The following WDR82 variants were observed in gnomAD, a reference collection of about 807,000 sequenced individuals.
WDR82 encodes the protein WD repeat-containing protein 82.
In WDR82, 8 loss-of-function variants were observed where a neutral mutation model predicts 36.1. That is an observed-to-expected ratio of 0.22 (90% CI 0.13 to 0.40). The LOEUF is 0.40. Among genes scored for constraint, WDR82 ranks in the 10% least tolerant of loss-of-function variants. The probability of loss-of-function intolerance (pLI) is 1.00; values close to 1 mark genes in which losing one functional copy is unlikely to be tolerated. For missense variants in WDR82, 185 were observed against 400.5 expected (o/e 0.46, Z 4.59); for synonymous variants, 129 against 137.8 (o/e 0.94, Z 0.45).
intron 3 of WDR82, among the ~76,000 whole-genome samples, chr3:52,264,142 G>T (rs1028862848): frequency 6.6e-6 from 1 of 152,126 alleles, no homozygotes; most frequent in South Asian, 2.1e-4. Flanking sequence ...CAGCCTGGGT[G>T]ACCCGGTGAG....
At chr3:52,259,439 C>T (rs1700040474) in intron 6 of WDR82, among the ~76,000 whole-genome samples, 173 bp from the exon 7 acceptor site, 1 of 152,206 alleles carries the variant, frequency 6.6e-6, no homozygotes, top group Admixed American at 6.5e-5. Flanking sequence ...AATCCACTCC[C>T]ACCCTCAACT....
At chr3:52,272,501 G>A (rs1007160193) in intron 1 of WDR82, among the ~76,000 whole-genome samples, 4 of 144,240 alleles carry the variant, frequency 2.8e-5, no homozygotes, top group Non-Finnish European at 3.0e-5. Flanking sequence ...CTGAGATCGC[G>A]CCACTGCACT....
chr3:52,265,037 C>T (rs529597331), intron 3 of WDR82, among the ~76,000 whole-genome samples: 9 of 151,834 alleles, frequency 5.9e-5, no homozygotes, highest in South Asian at 4.2e-4. Context: ...GTCGGCCAGC[C>T]GGGTGCGGTG....
chr3:52,277,950 T>G (rs887524315), intron 1 of WDR82, among the ~76,000 whole-genome samples: 7 of 151,970 alleles, frequency 4.6e-5, no homozygotes, highest in Admixed American at 1.3e-4. Flanking sequence ...TGGCAAGTGA[T>G]GCATAGCGCT....
At position 52,259,138 on chromosome 3, in the gene WDR82, A is replaced by C; in HGVS notation, c.769+59T>G. On this transcript the variant is annotated intron_variant, in intron 7 of 8. Coordinates refer to ENST00000296490, the MANE Select transcript of WDR82 (RefSeq NM_025222.4). ...TAATAATGTCTCAGTTAATAATTTAAACAAAGAAATGCATAGTACCAGAGA... is the reference window on the plus strand; with the variant it reads ...TAATAATGTCTCAGTTAATAATTTACACAAAGAAATGCATAGTACCAGAGA... 7 of 1,464,198 alleles carry C rather than the reference A, an allele frequency of 4.8e-6. No individual in the cohort carries two copies. The South Asian group carries it at 8.3e-5, about 17-fold the overall frequency. 90.7% of individuals were successfully genotyped at this position (1,464,198 alleles called of 1,614,324 possible).
intron 3 of WDR82, among the ~76,000 whole-genome samples, chr3:52,263,317 C>T (rs987963200): frequency 2.0e-5 from 3 of 152,148 alleles, no homozygotes; most frequent in African/African-American, 4.8e-5. Context: ...GAGAAGGCTT[C>T]TGGAAAGATA....
In WDR82 at chr3:52,278,516, C is replaced by T; in HGVS notation, c.-155G>A. On this transcript the variant is annotated 5_prime_UTR_variant, in exon 1 of 9. Coordinates refer to ENST00000296490, the MANE Select transcript of WDR82 (RefSeq NM_025222.4). The stretch of plus-strand genomic sequence containing the variant: ...AGTTGGGCCGCCTCCTCCTCTTCTT[C>T]CTGCTTGGTCGAGGGTCTTCTGCCT... The T allele has an allele frequency of 1.7e-6, 1 of 597,646 alleles. No individual in the cohort carries two copies. The highest frequency in any genetic ancestry group is 2.4e-6 in the Non-Finnish European group (1 of 409,626). The allele number at this position is 597,646 out of a possible 1,614,324, so 37.0% of individuals were successfully genotyped here.
At chr3:52,259,568 G>C in intron 6 of WDR82, 149 bp downstream of exon 6, 1 of 998,762 alleles carries the variant, frequency 1.0e-6, no homozygotes, top group Non-Finnish European at 1.5e-6. Context: ...ATCCAAGAGA[G>C]GTAAGTTCAT....
At chr3:52,264,713 T>C (rs1337917617) in intron 3 of WDR82, among the ~76,000 whole-genome samples, 1 of 152,112 alleles carries the variant, frequency 6.6e-6, no homozygotes, top group African/African-American at 2.4e-5. Flanking sequence ...AGGTCTGTTT[T>C]GTGAAAGAAA....
At chr3:52,272,068 C>T (rs1262194011) in intron 1 of WDR82, among the ~76,000 whole-genome samples, 2 of 152,102 alleles carry the variant, frequency 1.3e-5, no homozygotes, top group East Asian at 1.9e-4. Flanking sequence ...ACAGCCTCTG[C>T]GACAGAGTGA....
In WDR82 at chr3:52,256,940, C is replaced by T. The variant is rs532917834; in HGVS notation, c.*550G>A. 6.5e-6 allele frequency: 1 copy of T among 153,290 alleles called. No homozygotes were observed. Among genetic ancestry groups the T allele is most frequent in the Admixed American group, 6.5e-5 (1 of 15,330 alleles). The allele number at this position is 153,290 out of a possible 1,614,324, so 9.5% of individuals were successfully genotyped here. A position where few individuals can be genotyped will look rare whatever the true frequency, so the allele number is the denominator to read the frequency against. ...GGTCCTTCTGTATCTGTCCCTTTCTCTGACCCCAAGATATATGAAAATGTT... is the reference window on the plus strand; with the variant it reads ...GGTCCTTCTGTATCTGTCCCTTTCTTTGACCCCAAGATATATGAAAATGTT... On this transcript the variant is annotated 3_prime_UTR_variant, in exon 9 of 9. Transcript: ENST00000296490.
At chr3:52,276,416 G>GA (rs1345178139) in intron 1 of WDR82, among the ~76,000 whole-genome samples, 1 of 151,054 alleles carries the variant, frequency 6.6e-6, no homozygotes, top group Non-Finnish European at 1.5e-5. Context: ...GGGCGACGGA[G>GA]AGAGACTCCG....
chr3:52,265,912 A>G (rs565773363), intron 3 of WDR82, among the ~76,000 whole-genome samples: 2 of 152,274 alleles, frequency 1.3e-5, no homozygotes, highest in East Asian at 3.9e-4. Flanking sequence ...CTCTCAGGCC[A>G]TCTCCTGTCA....
At chr3:52,277,866 G>A (rs989446775) in intron 1 of WDR82, among the ~76,000 whole-genome samples, 9 of 152,234 alleles carry the variant, frequency 5.9e-5, no homozygotes, top group Non-Finnish European at 1.5e-5. Flanking sequence ...GACAGCCTGA[G>A]GAGCTGAAAA....
At chr3:52,271,196 C>A (rs1467753785) in intron 1 of WDR82, among the ~76,000 whole-genome samples, 1 of 152,196 alleles carries the variant, frequency 6.6e-6, no homozygotes, top group Non-Finnish European at 1.5e-5. Flanking sequence ...CCCTCTACAA[C>A]CGATGTTTCA....
chr3:52,260,259 G>A (rs1700049676), intron 5 of WDR82, 126 bp downstream of exon 5: 3 of 607,514 alleles, frequency 4.9e-6, no homozygotes, highest in Admixed American at 3.9e-5. Context: ...AACCTGGGAG[G>A]CAGAGGTTGC....
At chr3:52,278,093 A>C in intron 1 of WDR82, 108 bp downstream of exon 1, 1 of 1,280,540 alleles carries the variant, frequency 7.8e-7, no homozygotes, top group Non-Finnish European at 1.0e-6. Flanking sequence ...GAACGCGTGC[A>C]AAATAGGCTG....
chr3:52,268,102 A>T (rs180924356), intron 2 of WDR82: 2 of 294,218 alleles, frequency 6.8e-6, no homozygotes, highest in African/African-American at 4.3e-5. Flanking sequence ...ATTTTCCTTG[A>T]AAACATCTTC....
intron 3 of WDR82, 97 bp from the exon 4 acceptor site, chr3:52,261,576 C>T (rs1307605670): frequency 2.2e-6 from 2 of 909,710 alleles, no homozygotes; most frequent in South Asian, 4.9e-5. Context: ...ATATATATAC[C>T]TGTTCTCCCA....
Sources: gnomAD v4.1 joint callset for allele counts (sites outside exome capture counted in the v4.1 genomes callset) on GRCh38, gnomAD v4.1.1 for gene constraint, MANE v1.5 for transcripts, NCBI Gene and HGNC (gene_info 2026-07-23, HGNC 2026-07-21) for gene names.